The following PSD3 variants were observed in gnomAD, a reference collection of about 807,000 sequenced individuals.
PSD3 encodes PH and SEC7 domain-containing protein 3.
Under a neutral mutation model 105.5 loss-of-function variants are expected in PSD3, and 49 were observed. That is an observed-to-expected ratio of 0.46 (90% CI 0.37 to 0.59). PSD3 has a LOEUF of 0.59. Ranked by LOEUF, PSD3 falls within the 20% of genes least tolerant of loss-of-function variation. The pLI is 0.00. For missense variants in PSD3, 1,561 were observed against 1,263.8 expected, an observed-to-expected ratio of 1.24 and a Z score of -3.57; for synonymous variants, 557 against 457.8, an observed-to-expected ratio of 1.22 and a Z score of -2.77.
chr8:19,075,233 C>A lies in PSD3; in HGVS notation c.324+8973G>T, dbSNP rs1478060618. Among the ~76,000 whole-genome samples the A allele has an allele frequency of 2.0e-5, 3 of 152,154 alleles. No homozygotes were observed. In the East Asian group the frequency reaches 5.8e-4, roughly 29 times the overall value. On this transcript the variant is annotated intron_variant, in intron 1 of 1. Coordinates refer to the PSD3 transcript ENST00000521475. ...AAAGTGCTGGGATTACAAGCATGAA[C>A]CACCATGCCTGACCATTAATTACGA...
chr8:18,694,666 T>C (rs1317990835), intron 9 of PSD3, among the ~76,000 whole-genome samples: 2 of 151,696 alleles, frequency 1.3e-5, no homozygotes, highest in East Asian at 3.9e-4. Flanking sequence ...TTTCACTTCT[T>C]AAATAATAAA....
At chr8:18,679,632 T>C (rs1412978309) in intron 9 of PSD3, among the ~76,000 whole-genome samples, 6 of 152,200 alleles carry the variant, frequency 3.9e-5, no homozygotes, top group Non-Finnish European at 8.8e-5. Context: ...GTCAAAACCC[T>C]GCATTTTAGG....
chr8:18,976,742 T>C (rs1419201207), intron 1 of PSD3, among the ~76,000 whole-genome samples: 1 of 152,276 alleles, frequency 6.6e-6, no homozygotes, highest in Non-Finnish European at 1.5e-5. Context: ...GGCACTGTTC[T>C]ATGCATTTAT....
At chr8:18,838,789 G>C (rs574849980) in intron 4 of PSD3, among the ~76,000 whole-genome samples, 1 of 146,890 alleles carries the variant, frequency 6.8e-6, no homozygotes, top group African/African-American at 2.5e-5. Context: ...GTGACAGAGC[G>C]AGACTCCGTC....
intron 9 of PSD3, among the ~76,000 whole-genome samples, chr8:18,738,989 C>T (rs1343616231): frequency 6.6e-6 from 1 of 152,092 alleles, no homozygotes; most frequent in Non-Finnish European, 1.5e-5. Flanking sequence ...GAAGAACCTT[C>T]GGCTCTTAGG....
At chr8:18,789,279 G>C (rs534223658) in intron 8 of PSD3, among the ~76,000 whole-genome samples, 2 of 152,186 alleles carry the variant, frequency 1.3e-5, no homozygotes, top group East Asian at 3.9e-4. Flanking sequence ...TTTTCTAGAA[G>C]ATGCATGACT....
chr8:18,784,586 A>G (rs1808951217), intron 8 of PSD3, among the ~76,000 whole-genome samples: 1 of 152,202 alleles, frequency 6.6e-6, no homozygotes, highest in South Asian at 2.1e-4. Flanking sequence ...AATCAGCTAT[A>G]AATGGGGGTT....
chr8:19,026,884 A>AAT (rs1256233172), intron 1 of PSD3, among the ~76,000 whole-genome samples: 19 of 151,204 alleles, frequency 1.3e-4, no homozygotes, highest in East Asian at 3.9e-4. Context: ...CCCACCCAAA[A>AAT]ATATATATAT....
At chr8:18,752,482 TTATATA>T (rs1411188789) in intron 9 of PSD3, among the ~76,000 whole-genome samples, 3 of 38,644 alleles carry the variant, frequency 7.8e-5, no homozygotes, top group Middle Eastern at 0.029. Context: ...ATATATATTA[TTATATA>T]TATAATATAT....
intron 7 of PSD3, among the ~76,000 whole-genome samples, chr8:18,799,772 T>C (rs1810521212): frequency 6.6e-6 from 1 of 152,174 alleles, no homozygotes; most frequent in Non-Finnish European, 1.5e-5. Context: ...GTTAAAGTCA[T>C]ATAAAAATGT....
chr8:18,576,389 G>A (rs1802465218), intron 12 of PSD3, among the ~76,000 whole-genome samples: 1 of 152,086 alleles, frequency 6.6e-6, no homozygotes, highest in Non-Finnish European at 1.5e-5. Flanking sequence ...AGGATAAGAA[G>A]TGCTATTGAC....
chr8:18,904,973 C>T (rs1298408711), intron 2 of PSD3, among the ~76,000 whole-genome samples: 1 of 152,202 alleles, frequency 6.6e-6, no homozygotes, highest in African/African-American at 2.4e-5. Flanking sequence ...TTCCCTACTG[C>T]TATCTTGCTG....
At chr8:18,932,598 A>G (rs1366950923) in intron 2 of PSD3, among the ~76,000 whole-genome samples, 1 of 152,168 alleles carries the variant, frequency 6.6e-6, no homozygotes, top group Non-Finnish European at 1.5e-5. Flanking sequence ...CGGATTCTAA[A>G]TCATCTCAGC....
At chr8:18,777,614 A>G (rs1430593498) in intron 8 of PSD3, among the ~76,000 whole-genome samples, 1 of 152,234 alleles carries the variant, frequency 6.6e-6, no homozygotes, top group East Asian at 1.9e-4. Flanking sequence ...TGTAATAATC[A>G]AATCAGGATA....
intron 15 of PSD3, among the ~76,000 whole-genome samples, chr8:18,537,739 T>C (rs1799920118): frequency 6.6e-6 from 1 of 152,062 alleles, no homozygotes; most frequent in Admixed American, 6.5e-5. Flanking sequence ...TGCAGTGGCA[T>C]GATCTCAGCT....
At chr8:18,816,662 C>A (rs537249490) in intron 4 of PSD3, among the ~76,000 whole-genome samples, 1 of 152,188 alleles carries the variant, frequency 6.6e-6, no homozygotes, top group South Asian at 2.1e-4. Context: ...GCAGCCTTGC[C>A]CTTGTGGACT....
At chr8:19,022,411 T>G (rs948431472) in intron 1 of PSD3, among the ~76,000 whole-genome samples, 1 of 152,180 alleles carries the variant, frequency 6.6e-6, no homozygotes, top group Non-Finnish European at 1.5e-5. Flanking sequence ...CCCAAGAAGA[T>G]AGACTCCATG....
intron 1 of PSD3, among the ~76,000 whole-genome samples, chr8:18,976,053 T>C (rs1012944981): frequency 3.3e-5 from 5 of 152,192 alleles, no homozygotes; most frequent in Admixed American, 6.5e-5. Flanking sequence ...CTTGACAGCA[T>C]TGTAATGAAA....
chr8:18,961,426 C>T (rs147227359), intron 1 of PSD3, among the ~76,000 whole-genome samples: 4 of 152,188 alleles, frequency 2.6e-5, no homozygotes, highest in Non-Finnish European at 5.9e-5. Context: ...CGGTGGCTCA[C>T]GCCTATAATC....
Sources: gnomAD v4.1 joint callset for allele counts (sites outside exome capture counted in the v4.1 genomes callset) on GRCh38, gnomAD v4.1.1 for gene constraint, MANE v1.5 for transcripts, NCBI Gene and HGNC (gene_info 2026-07-23, HGNC 2026-07-21) for gene names.